ASTN2: variants seen among roughly 807,000 people sequenced by gnomAD.
ASTN2 encodes astrotactin 2.
Under a neutral mutation model 139.8 loss-of-function variants are expected in ASTN2, and 54 were observed. The observed-to-expected ratio is 0.39, with a 90% CI of 0.31 to 0.48. ASTN2 has a LOEUF of 0.48. ASTN2 is among the 20% of genes least tolerant of loss of function. ASTN2 has a pLI of 0.95. For synonymous variants in ASTN2, 756 were observed against 719.5 expected, an observed-to-expected ratio of 1.05 and a Z score of -0.81; for missense variants, 1,565 against 1,725.1, an observed-to-expected ratio of 0.91 and a Z score of 1.64.
chr9:117,090,796 G>A (rs1397821553), intron 5 of ASTN2, among the ~76,000 whole-genome samples: 3 of 152,226 alleles, frequency 2.0e-5, no homozygotes. Flanking sequence ...AGGTCTGGCT[G>A]AATCTAATGC....
chr9:116,874,764 C>T (rs1237505237), intron 10 of ASTN2, among the ~76,000 whole-genome samples: 1 of 152,156 alleles, frequency 6.6e-6, no homozygotes, highest in African/African-American at 2.4e-5. Context: ...CACTTTATTG[C>T]TCATTGCAGA....
chr9:116,514,068 G>C (rs552653073), intron 19 of ASTN2, among the ~76,000 whole-genome samples: 23 of 152,092 alleles, frequency 1.5e-4, no homozygotes, highest in African/African-American at 1.9e-4. Context: ...TGGAGGTGGA[G>C]AGGTGCTCTG....
chr9:117,296,277 C>CAAAAAAAAAAAAAAAAAA (rs5900277), intron 1 of ASTN2, among the ~76,000 whole-genome samples: 1 of 71,008 alleles, frequency 1.4e-5, no homozygotes, highest in Non-Finnish European at 2.4e-5. Flanking sequence ...GACTGCATCT[C>CAAAAAAAAAAAAAAAAAA]AAAAAAAAAA....
intron 2 of ASTN2, among the ~76,000 whole-genome samples, chr9:117,224,169 T>C (rs544494697): frequency 4.6e-5 from 7 of 152,370 alleles, no homozygotes; most frequent in Non-Finnish European, 5.9e-5. Flanking sequence ...GGTTCGTCTA[T>C]TGACATTTTT....
chr9:116,576,566 C>G (rs1350310484), intron 19 of ASTN2, among the ~76,000 whole-genome samples: 3 of 152,134 alleles, frequency 2.0e-5, no homozygotes, highest in Non-Finnish European at 2.9e-5. Context: ...TGAGAGGATG[C>G]TAGGCCGGGA....
rs552482599 is a variant in ASTN2 at position 117,339,952 on chromosome 9, C to A, written c.443-48439G>T. 2.0e-5 allele frequency among the ~76,000 whole-genome samples: 3 copies of A among 151,184 alleles called. No homozygotes were observed. In the South Asian group the frequency reaches 6.3e-4, roughly 32 times the overall value. ...TAAAGAGGCCCACATGATACCATAG[C>A]GTTTTATTTAGATGGGAACTGAGGC... is the stretch of plus-strand genomic sequence containing the variant. On this transcript the variant is annotated intron_variant, in intron 1 of 22. Transcript: ENST00000313400.
At chr9:117,030,769 A>G (rs1838224061) in intron 6 of ASTN2, among the ~76,000 whole-genome samples, 1 of 152,134 alleles carries the variant, frequency 6.6e-6, no homozygotes, top group Non-Finnish European at 1.5e-5. Context: ...GAAAAAAAAA[A>G]AAGAATTCTA....
chr9:117,211,668 A>G (rs1001994552), intron 3 of ASTN2, among the ~76,000 whole-genome samples: 2 of 152,200 alleles, frequency 1.3e-5, no homozygotes, highest in African/African-American at 4.8e-5. Flanking sequence ...GCAGTGTGAG[A>G]ACAGACTAAT....
chr9:117,064,821 T>C (rs1827881545), intron 5 of ASTN2, among the ~76,000 whole-genome samples: 1 of 152,132 alleles, frequency 6.6e-6, no homozygotes, highest in African/African-American at 2.4e-5. Context: ...TCCAAGATTT[T>C]TGAGCTACTC....
intron 20 of ASTN2, among the ~76,000 whole-genome samples, chr9:116,477,854 CAAAAAAGA>C (rs1435681908): frequency 1.7e-4 from 3 of 17,604 alleles, no homozygotes; most frequent in African/African-American, 5.7e-4. Context: ...GATCCCTAAT[CAAAAAAGA>C]AAAAAAAAAA....
intron 16 of ASTN2, chr9:116,686,652 A>T: frequency 6.5e-7 from 1 of 1,532,072 alleles, no homozygotes; most frequent in Non-Finnish European, 8.8e-7. Flanking sequence ...AGATTCCTCC[A>T]CCTTCACCCG....
At chr9:116,976,014 A>G in intron 9 of ASTN2, 100 bp downstream of exon 9, 1 of 1,135,272 alleles carries the variant, frequency 8.8e-7, no homozygotes, top group African/African-American at 1.5e-5. Flanking sequence ...TGCAGCTCAG[A>G]AGTGCACAGG....
chr9:116,514,973 G>A (rs1850580878), intron 19 of ASTN2, among the ~76,000 whole-genome samples: 1 of 152,070 alleles, frequency 6.6e-6, no homozygotes, highest in African/African-American at 2.4e-5. Context: ...CCCTGCTTTG[G>A]CTCACGCTTG....
At chr9:117,396,796 C>T (rs1026950212) in intron 1 of ASTN2, among the ~76,000 whole-genome samples, 11 of 152,028 alleles carry the variant, frequency 7.2e-5, no homozygotes, top group African/African-American at 2.7e-4. Context: ...AAGCTCCTGA[C>T]CTCAAGTGAT....
chr9:117,298,579 AC>A (rs1834790929), intron 1 of ASTN2, among the ~76,000 whole-genome samples: 1 of 151,268 alleles, frequency 6.6e-6, no homozygotes, highest in South Asian at 2.1e-4. Context: ...CTTAGACAGC[AC>A]TCCACAGTTA....
chr9:116,735,235 G>C (rs1158008360), intron 13 of ASTN2, among the ~76,000 whole-genome samples: 1 of 152,142 alleles, frequency 6.6e-6, no homozygotes, highest in Non-Finnish European at 1.5e-5. Context: ...GCTGTCTGTG[G>C]AGTCATCCTT....
intron 5 of ASTN2, among the ~76,000 whole-genome samples, chr9:117,063,224 G>A (rs1318875590): frequency 2.0e-5 from 3 of 152,146 alleles, no homozygotes; most frequent in Admixed American, 2.0e-4. Flanking sequence ...TCCTTCATAA[G>A]GTACATTTCT....
intron 5 of ASTN2, among the ~76,000 whole-genome samples, chr9:117,043,144 T>C (rs1465518400): frequency 6.6e-6 from 1 of 152,180 alleles, no homozygotes; most frequent in Non-Finnish European, 1.5e-5. Flanking sequence ...CTGCTGGGAT[T>C]ACAGGCACGA....
intron 19 of ASTN2, among the ~76,000 whole-genome samples, chr9:116,502,440 GGAGA>G (rs1382066621): frequency 2.0e-5 from 3 of 151,518 alleles, no homozygotes; most frequent in African/African-American, 7.3e-5. Flanking sequence ...GAGGAGAAAT[GGAGA>G]GAGAAAGAGA....
Sources: allele counts gnomAD v4.1 joint callset (sites outside exome capture counted in the v4.1 genomes callset), GRCh38; gene constraint gnomAD v4.1.1; transcripts MANE v1.5; gene names NCBI Gene and HGNC (gene_info 2026-07-23, HGNC 2026-07-21).